ARHGEF18: variants seen among roughly 807,000 people sequenced by gnomAD.
ARHGEF18 encodes the protein rho guanine nucleotide exchange factor 18.
ARHGEF18 carries 93 observed loss-of-function variants against 155.7 expected under a neutral mutation model. That is an observed-to-expected ratio of 0.60 (90% CI 0.50 to 0.71). The LOEUF is 0.71. ARHGEF18 is among the 30% of genes least tolerant of loss of function. The probability of loss-of-function intolerance (pLI) is 0.00; values close to 1 mark genes in which losing one functional copy is unlikely to be tolerated. For missense variants in ARHGEF18, 1,593 were observed against 1,816.1 expected (o/e 0.88, Z 2.23); for synonymous variants, 742 against 753.1 (o/e 0.99, Z 0.24).
chr19:7,477,752 G>A, the ARHGEF18 span, among the ~76,000 whole-genome samples: 1 of 152,260 alleles, frequency 6.6e-6, no homozygotes, highest in Admixed American at 6.5e-5. Flanking sequence ...GTGGAGGGAA[G>A]GGGGAACCCC....
intron 10 of ARHGEF18, among the ~76,000 whole-genome samples, chr19:7,392,240 CAAAAAAAA>C (rs3997574): frequency 1.4e-5 from 1 of 72,052 alleles, no homozygotes; most frequent in South Asian, 5.2e-4. Context: ...GACTCCGTCT[CAAAAAAAA>C]AAAAAAAAAA....
chr19:7,420,484 C>T (rs1973286890), intron 10 of ARHGEF18, among the ~76,000 whole-genome samples: 1 of 152,132 alleles, frequency 6.6e-6, no homozygotes, highest in Non-Finnish European at 1.5e-5. Context: ...AACTCCCAGC[C>T]TCAGGTGATC....
chr19:7,433,142 T>A (rs1200330540), intron 10 of ARHGEF18, among the ~76,000 whole-genome samples: 1 of 148,078 alleles, frequency 6.8e-6, no homozygotes, highest in Non-Finnish European at 1.5e-5. Context: ...GCCTAGATGA[T>A]GGAGCGAGAA....
At chr19:7,358,240 T>TCCATCCAC (rs1568261553) in intron 1 of ARHGEF18, among the ~76,000 whole-genome samples, 1 of 148,862 alleles carries the variant, frequency 6.7e-6, no homozygotes, top group Admixed American at 6.7e-5. Flanking sequence ...CATCCATCCA[T>TCCATCCAC]CCACCCATCC....
chr19:7,415,340 C>T (rs2145643046), intron 10 of ARHGEF18, among the ~76,000 whole-genome samples: 1 of 152,184 alleles, frequency 6.6e-6, no homozygotes, highest in South Asian at 2.1e-4. Context: ...CCGAGCCCGC[C>T]ACTCTGCCCC....
intron 15 of ARHGEF18, among the ~76,000 whole-genome samples, chr19:7,450,539 A>G (rs2145826751): frequency 9.3e-6 from 1 of 107,326 alleles, no homozygotes; most frequent in African/African-American, 3.8e-5. Flanking sequence ...TTAATACAGG[A>G]TCTTGCTTTC....
intron 10 of ARHGEF18, 191 bp downstream of exon 10, chr19:7,383,394 TG>T (rs1970843149): frequency 2.1e-6 from 1 of 485,508 alleles, no homozygotes; most frequent in African/African-American, 2.0e-5. Flanking sequence ...AACTCGGGAC[TG>T]GCAACAGTCC....
intron 2 of ARHGEF18, among the ~76,000 whole-genome samples, chr19:7,367,976 A>AG (rs1491457745): frequency 1.7e-4 from 4 of 23,862 alleles, no homozygotes; most frequent in Admixed American, 5.1e-4. Flanking sequence ...GAAAGGAAAG[A>AG]AAGAGAGAGA....
At chr19:7,450,382 T>C in intron 15 of ARHGEF18, among the ~76,000 whole-genome samples, 1 of 152,362 alleles carries the variant, frequency 6.6e-6, no homozygotes, top group Non-Finnish European at 1.5e-5. Flanking sequence ...TCTGAGATGT[T>C]AATACGGGAT....
chr19:7,466,740 G>A (rs1209395570), intron 23 of ARHGEF18, among the ~76,000 whole-genome samples, 178 bp from the exon 24 acceptor site: 2 of 146,958 alleles, frequency 1.4e-5, no homozygotes, highest in African/African-American at 2.6e-5. Flanking sequence ...GGAGCTGGAG[G>A]GTGCAGTGAG....
At chr19:7,414,360 G>GT (rs1344556904) in intron 10 of ARHGEF18, among the ~76,000 whole-genome samples, 1 of 152,170 alleles carries the variant, frequency 6.6e-6, no homozygotes, top group Non-Finnish European at 1.5e-5. Flanking sequence ...TCAGTTGATC[G>GT]TTTTTTTAAA....
In ARHGEF18 at chr19:7,418,991, C is replaced by A. The variant is rs1973170850; in HGVS notation, c.968-21353C>A. ...TCTGCTCTCCAGCCCCCCAGCAGCCCCTCACCCCAGGTGCACCCGCACTCG... is the reference window on the plus strand; with the variant it reads ...TCTGCTCTCCAGCCCCCCAGCAGCCACTCACCCCAGGTGCACCCGCACTCG... On this transcript the variant is annotated intron_variant, in intron 10 of 28. Coordinates refer to ENST00000668164, the MANE Select transcript of ARHGEF18 (RefSeq NM_001367823.1). 2.0e-5 allele frequency among the ~76,000 whole-genome samples: 3 copies of A among 151,888 alleles called. No homozygotes were observed. In the South Asian group the frequency reaches 6.2e-4, roughly 31 times the overall value.
intron 26 of ARHGEF18, 35 bp downstream of exon 26, chr19:7,467,719 G>A: frequency 1.4e-6 from 2 of 1,433,802 alleles, no homozygotes; most frequent in Non-Finnish European, 1.8e-6. Context: ...GCAGGTTGGG[G>A]GTGACCGGTT....
intron 15 of ARHGEF18, among the ~76,000 whole-genome samples, chr19:7,448,071 C>G (rs1050276608): frequency 3.3e-5 from 5 of 152,202 alleles, no homozygotes; most frequent in African/African-American, 1.2e-4. Context: ...CTGAGAGACC[C>G]CTGCAGCTCA....
intron 10 of ARHGEF18, among the ~76,000 whole-genome samples, chr19:7,385,901 T>TCC (rs1971024812): frequency 2.1e-5 from 1 of 48,170 alleles, no homozygotes; most frequent in African/African-American, 1.7e-4. Context: ...CCTCCCTCTC[T>TCC]CTCTCCCTCT....
At chr19:7,446,944 AAATCT>A (rs1600474918) in intron 14 of ARHGEF18, 94 bp from the exon 15 acceptor site, 5 of 1,414,516 alleles carry the variant, frequency 3.5e-6, no homozygotes, top group Non-Finnish European at 4.8e-6. Flanking sequence ...AATTGCAAAT[AAATCT>A]AATATTTATT....
At chr19:7,372,189 T>C (rs1268842887) in intron 2 of ARHGEF18, among the ~76,000 whole-genome samples, 1 of 152,184 alleles carries the variant, frequency 6.6e-6, no homozygotes, top group African/African-American at 2.4e-5. Flanking sequence ...GGACAATTCC[T>C]GTCCTGCAGA....
intron 17 of ARHGEF18, among the ~76,000 whole-genome samples, chr19:7,455,023 A>C (rs556973209): frequency 6.6e-6 from 1 of 152,300 alleles, no homozygotes. Context: ...CTCAGGATTC[A>C]TTCCTGGGTT....
chr19:7,475,560 A>C (rs537117438), downstream of ARHGEF18, among the ~76,000 whole-genome samples: 7 of 152,264 alleles, frequency 4.6e-5, no homozygotes, highest in Admixed American at 2.6e-4. Context: ...ACACACACAC[A>C]ACCACTGGAC....
Sources: allele counts gnomAD v4.1 joint callset (sites outside exome capture counted in the v4.1 genomes callset), GRCh38; gene constraint gnomAD v4.1.1; transcripts MANE v1.5; gene names NCBI Gene and HGNC (gene_info 2026-07-23, HGNC 2026-07-21).